BCAS3: variants seen among roughly 807,000 people sequenced by gnomAD.
The protein encoded by BCAS3 is BCAS3 microtubule associated cell migration factor.
BCAS3 carries 53 observed loss-of-function variants against 116.1 expected under a neutral mutation model. The observed-to-expected ratio is 0.46, with a 90% CI of 0.37 to 0.57. BCAS3 has a LOEUF of 0.57. Among genes scored for constraint, BCAS3 ranks in the 20% least tolerant of loss-of-function variants. The pLI, the probability that BCAS3 is intolerant of heterozygous loss-of-function variation, is 0.00. For missense variants in BCAS3, 917 were observed against 1,165.4 expected (o/e 0.79, Z 3.10); for synonymous variants, 391 against 408.2 (o/e 0.96, Z 0.51).
chr17:60,868,100 C>T (rs112862805), intron 7 of BCAS3, among the ~76,000 whole-genome samples: 4,605 of 150,852 alleles, frequency 0.031, 183 homozygotes, highest in East Asian at 0.091. Flanking sequence ...CTTGGCTCAC[C>T]GCACCCTCCG....
intron 5 of BCAS3, among the ~76,000 whole-genome samples, chr17:60,744,961 G>A (rs1598419505): frequency 1.3e-5 from 2 of 152,174 alleles, no homozygotes; most frequent in South Asian, 2.1e-4. Flanking sequence ...AAGCTCTTGT[G>A]TATTAAATAC....
chr17:60,901,145 A>G (rs903919616), intron 10 of BCAS3, among the ~76,000 whole-genome samples: 2 of 151,910 alleles, frequency 1.3e-5, no homozygotes, highest in African/African-American at 4.8e-5. Context: ...CAAGAGGCAG[A>G]GGTTTCAGTG....
Position 61,017,933 on chromosome 17 carries a change from CA to C in BCAS3, c.1637+2037del. 6.6e-6 allele frequency among the ~76,000 whole-genome samples: 1 copy of C among 152,236 alleles called. No individual in the cohort carries two copies. The highest frequency in any genetic ancestry group is 1.9e-4 in the East Asian group (1 of 5,182). ...AAAATTCTTATGTTTCCTTTTCTTA[CA>C]AAAATTTGCTCTCTGTTCTCAGATT... On this transcript the variant is annotated intron_variant, in intron 16 of 23. Coordinates refer to ENST00000407086, the MANE Select transcript of BCAS3 (RefSeq NM_017679.5). This position sits in a 1 kb window ranked among gnomAD's most constrained non-coding sequence, Gnocchi z 4.7.
chr17:60,810,819 A>G (rs375098380), intron 7 of BCAS3: 4 of 688,056 alleles, frequency 5.8e-6, no homozygotes, highest in East Asian at 2.9e-5. Flanking sequence ...AAAACCTCGA[A>G]GAGGAAGTAA....
At chr17:60,952,775 T>C (rs2060915354) in intron 14 of BCAS3, among the ~76,000 whole-genome samples, 1 of 152,050 alleles carries the variant, frequency 6.6e-6, no homozygotes, top group Admixed American at 6.6e-5. Context: ...CCTTCCATCT[T>C]CCACCCTCAA....
chr17:61,322,794 C>CAGAGAGAGAGAGAGAG (rs35581770), intron 22 of BCAS3, among the ~76,000 whole-genome samples: 5 of 99,632 alleles, frequency 5.0e-5, no homozygotes, highest in African/African-American at 1.7e-4. Context: ...GAGAGAGAGA[C>CAGAGAGAGAGAGAGAG]AGAGAGAGAG....
At position 61,256,976 on chromosome 17, in the gene BCAS3, A is replaced by G. The variant is rs571191294; in HGVS notation, c.2426-111351A>G. 1.8e-4 allele frequency among the ~76,000 whole-genome samples: 27 copies of G among 152,244 alleles called. No homozygotes were observed. Among genetic ancestry groups the G allele is most frequent in the Non-Finnish European group, 3.2e-4 (22 of 68,000 alleles). On this transcript the variant is annotated intron_variant, in intron 22 of 23. Transcript: ENST00000407086. The surrounding 1 kb of genome is among the most constrained non-coding windows in gnomAD (Gnocchi z 5.6). Reference sequence around the variant, plus strand: ...TCTCTACCAAAATCAAGATTTTTGGATTTAAAAAAAAATTTACATTATGCT... The same window carrying G: ...TCTCTACCAAAATCAAGATTTTTGGGTTTAAAAAAAAATTTACATTATGCT...
chr17:60,743,510 TAA>T (rs80002683), intron 5 of BCAS3, among the ~76,000 whole-genome samples: 5 of 140,186 alleles, frequency 3.6e-5, no homozygotes, highest in African/African-American at 7.7e-5. Flanking sequence ...TAAAGTTTGC[TAA>T]AAAAAAAAAA....
chr17:60,995,353 C>T lies in BCAS3; in HGVS notation c.1486+5118C>T, dbSNP rs920333948. ...TATTTAGTGGAGACAAGGTTTCACT[C>T]TGTTGGCCAGGCTGGTCTTGAACTC... On this transcript the variant is annotated intron_variant, in intron 15 of 23. Coordinates refer to ENST00000407086, the MANE Select transcript of BCAS3 (RefSeq NM_017679.5). This position sits in a 1 kb window ranked among gnomAD's most constrained non-coding sequence, Gnocchi z 4.7. Among the ~76,000 whole-genome samples, 3 of 152,086 alleles carry T rather than the reference C, an allele frequency of 2.0e-5. No homozygotes were observed. Among genetic ancestry groups the T allele is most frequent in the African/African-American group, 7.2e-5 (3 of 41,430 alleles).
rs1188822195 is a variant in BCAS3 at position 61,256,304 on chromosome 17, A to G, written c.2426-112023A>G. ...TTTTTCATTTATTTTTATTTATTTT[A>G]TTTTATTTTTATTTTTTGAGGCAGA... On this transcript the variant is annotated intron_variant, in intron 22 of 23. Coordinates refer to ENST00000407086, the MANE Select transcript of BCAS3 (RefSeq NM_017679.5). The surrounding 1 kb of genome is among the most constrained non-coding windows in gnomAD (Gnocchi z 5.6). Among the ~76,000 whole-genome samples the G allele has an allele frequency of 6.6e-6, 1 of 151,166 alleles. No individual in the cohort carries two copies. The highest frequency in any genetic ancestry group is 2.4e-5 in the African/African-American group (1 of 41,116).
At chr17:60,755,423 C>T (rs1164557511) in intron 6 of BCAS3, among the ~76,000 whole-genome samples, 2 of 152,102 alleles carry the variant, frequency 1.3e-5, no homozygotes, top group African/African-American at 2.4e-5. Flanking sequence ...AAGAAATTGA[C>T]GGTTGGTAAA....
intron 6 of BCAS3, among the ~76,000 whole-genome samples, chr17:60,763,202 G>C (rs1598532064): frequency 1.3e-5 from 2 of 152,262 alleles, no homozygotes; most frequent in African/African-American, 4.8e-5. Context: ...TCTCTTGCCT[G>C]ATTGCCCTGG....
chr17:61,166,467 A>G (rs1471383369), intron 22 of BCAS3, among the ~76,000 whole-genome samples: 4 of 128,766 alleles, frequency 3.1e-5, no homozygotes, highest in Non-Finnish European at 4.6e-5. Flanking sequence ...GTGTGAGCTC[A>G]GCTCACTGCA....
chr17:61,179,273 C>CTTTTTTT (rs34316965), intron 22 of BCAS3, among the ~76,000 whole-genome samples: 3 of 129,936 alleles, frequency 2.3e-5, no homozygotes, highest in Non-Finnish European at 3.2e-5. Flanking sequence ...AAGAAAAAGC[C>CTTTTTTT]TTTTTTTTTT....
intron 14 of BCAS3, among the ~76,000 whole-genome samples, chr17:60,969,726 G>C (rs74828523): frequency 6.6e-6 from 1 of 152,216 alleles, no homozygotes; most frequent in East Asian, 1.9e-4. Flanking sequence ...CCATGTCAAA[G>C]GACATCATAG....
chr17:61,094,243 C>T (rs1038007244), intron 22 of BCAS3, among the ~76,000 whole-genome samples: 7 of 152,212 alleles, frequency 4.6e-5, no homozygotes, highest in African/African-American at 1.4e-4. Flanking sequence ...CCTTGTGTAA[C>T]ATCTTAATAT....
chr17:61,025,476 A>T (rs1347398844), intron 16 of BCAS3, among the ~76,000 whole-genome samples: 3 of 152,106 alleles, frequency 2.0e-5, no homozygotes, highest in Non-Finnish European at 4.4e-5. Context: ...ACATTGAAAT[A>T]AAAATAGTAA....
In BCAS3 at chr17:60,960,203, C is replaced by T. The variant is rs1479752501; in HGVS notation, c.1221+12851C>T. Among the ~76,000 whole-genome samples the T allele has an allele frequency of 6.6e-6, 1 of 152,146 alleles. No individual in the cohort carries two copies. Among genetic ancestry groups the T allele is most frequent in the East Asian group, 1.9e-4 (1 of 5,198 alleles). On this transcript the variant is annotated intron_variant, in intron 14 of 23. Coordinates refer to ENST00000407086, the MANE Select transcript of BCAS3 (RefSeq NM_017679.5). The surrounding 1 kb of genome is among the most constrained non-coding windows in gnomAD (Gnocchi z 4.1). ...ATATGCTAAGTATTACCTCTTTTCC[C>T]TACCAACATCCCCAAAAGTCACAAC... is the stretch of plus-strand genomic sequence containing the variant.
At chr17:61,121,017 A>C (rs1331305032) in intron 22 of BCAS3, among the ~76,000 whole-genome samples, 1 of 152,088 alleles carries the variant, frequency 6.6e-6, no homozygotes, top group Non-Finnish European at 1.5e-5. Context: ...TGTTCCTAAA[A>C]TTTCCTATAA....
Sources: gnomAD v4.1 joint callset for allele counts (sites outside exome capture counted in the v4.1 genomes callset) on GRCh38, gnomAD v4.1.1 for gene constraint, Gnocchi (gnomAD v3.1) non-coding constraint, MANE v1.5 for transcripts, NCBI Gene and HGNC (gene_info 2026-07-23, HGNC 2026-07-21) for gene names.